Variants in PEAK1 observed in about 807,000 individuals in gnomAD.
PEAK1 encodes the protein inactive tyrosine-protein kinase PEAK1.
PEAK1 carries 54 observed loss-of-function variants against 124.7 expected under a neutral mutation model. The observed-to-expected ratio is 0.43, with a 90% CI of 0.35 to 0.54. The LOEUF (loss-of-function observed/expected upper bound fraction) is 0.54. Ranked by LOEUF, PEAK1 falls within the 20% of genes least tolerant of loss-of-function variation. PEAK1 has a pLI of 0.01. For synonymous variants in PEAK1, 719 were observed against 760.0 expected (o/e 0.95, Z 0.89); for missense variants, 2,046 against 2,134.5 (o/e 0.96, Z 0.82).
intron 6 of PEAK1, among the ~76,000 whole-genome samples, chr15:77,248,868 A>ATGGG (rs887123827): frequency 2.0e-5 from 3 of 152,158 alleles, no homozygotes; most frequent in African/African-American, 7.2e-5. Flanking sequence ...TCTGTCACCC[A>ATGGG]GGATGGAGTG....
At chr15:77,407,858 C>CA (rs1206639837) in intron 1 of PEAK1, among the ~76,000 whole-genome samples, 4 of 151,104 alleles carry the variant, frequency 2.6e-5, no homozygotes, top group African/African-American at 9.7e-5. Context: ...GGAGCCAGCT[C>CA]AAATGCCCGA....
intron 1 of PEAK1, among the ~76,000 whole-genome samples, chr15:77,386,835 G>A (rs997308930): frequency 6.6e-6 from 1 of 152,054 alleles, no homozygotes; most frequent in African/African-American, 2.4e-5. Flanking sequence ...CTCATGCCTC[G>A]TTAATACCTC....
intron 6 of PEAK1, among the ~76,000 whole-genome samples, chr15:77,233,225 G>A (rs191520243): frequency 2.0e-4 from 30 of 152,252 alleles, no homozygotes; most frequent in African/African-American, 7.0e-4. Flanking sequence ...TAAAAAGAGT[G>A]CCCTTCACTT....
At chr15:77,337,989 A>G in intron 2 of PEAK1, 1 of 984,476 alleles carries the variant, frequency 1.0e-6, no homozygotes, top group Non-Finnish European at 1.2e-6. Context: ...TCTGGAACCT[A>G]TAATAAATTA....
chr15:77,131,527 CAGCTCT>C (rs1490911542), intron 9 of PEAK1, among the ~76,000 whole-genome samples: 1 of 152,094 alleles, frequency 6.6e-6, no homozygotes. Context: ...ACAAAAAACT[CAGCTCT>C]ACCACTTGCT....
chr15:77,251,517 T>C (rs1444619998), intron 6 of PEAK1, among the ~76,000 whole-genome samples: 2 of 152,020 alleles, frequency 1.3e-5, no homozygotes, highest in Non-Finnish European at 2.9e-5. Context: ...GTAAGGAAAA[T>C]AAAACAAGAA....
At chr15:77,245,691 G>A (rs1157891203) in intron 6 of PEAK1, among the ~76,000 whole-genome samples, 2 of 151,844 alleles carry the variant, frequency 1.3e-5, no homozygotes, top group East Asian at 1.9e-4. Context: ...GAAACCGAGT[G>A]AGACTCCGTC....
chr15:77,149,186 C>G (rs2054392813), intron 8 of PEAK1, among the ~76,000 whole-genome samples: 4 of 152,204 alleles, frequency 2.6e-5, no homozygotes, highest in Admixed American at 2.6e-4. Flanking sequence ...TCCGTCAAAT[C>G]TATCTTTTTT....
intron 6 of PEAK1, 107 bp from the exon 7 acceptor site, chr15:77,182,147 A>C: frequency 9.4e-7 from 1 of 1,063,958 alleles, no homozygotes; most frequent in Non-Finnish European, 1.2e-6. Flanking sequence ...CTTTTCCTTA[A>C]ATTAAAAGAC....
At chr15:77,167,605 T>C (rs2056192662) in intron 7 of PEAK1, among the ~76,000 whole-genome samples, 1 of 152,238 alleles carries the variant, frequency 6.6e-6, no homozygotes, top group South Asian at 2.1e-4. Context: ...AGAGCAGCTA[T>C]TTTCAGCTTC....
intron 7 of PEAK1, 43 bp downstream of exon 7, chr15:77,178,747 T>A (rs746152091): frequency 6.4e-7 from 1 of 1,562,146 alleles, no homozygotes; most frequent in Non-Finnish European, 8.7e-7. Context: ...CACCTGAAAA[T>A]GTGTTAAAAA....
At chr15:77,192,886 AT>A (rs1228713567) in intron 6 of PEAK1, among the ~76,000 whole-genome samples, 2 of 152,228 alleles carry the variant, frequency 1.3e-5, no homozygotes, top group African/African-American at 4.8e-5. Flanking sequence ...GAAAATAAAA[AT>A]ATGCAAAAAG....
At chr15:77,404,521 T>A (rs2071641384) in intron 1 of PEAK1, 1 of 543,448 alleles carries the variant, frequency 1.8e-6, no homozygotes, top group African/African-American at 2.1e-5. Flanking sequence ...AAATATATCA[T>A]TAAAATTAAT....
At chr15:77,338,458 G>A (rs1162284206) in intron 2 of PEAK1, among the ~76,000 whole-genome samples, 1 of 151,964 alleles carries the variant, frequency 6.6e-6, no homozygotes, top group Non-Finnish European at 1.5e-5. Context: ...AAGAGCCCCA[G>A]AAAGAAATCT....
chr15:77,270,696 T>G (rs1451292229), intron 5 of PEAK1, among the ~76,000 whole-genome samples: 3 of 152,154 alleles, frequency 2.0e-5, no homozygotes, highest in African/African-American at 7.2e-5. Flanking sequence ...AGTAGTTTTT[T>G]CCAATTCTGT....
At chr15:77,102,687 A>G (rs1207728842) in exon 7 of PEAK1, 1 of 152,148 alleles carries the variant, frequency 6.6e-6, no homozygotes, top group African/African-American at 2.4e-5. Flanking sequence ...TATTACATAT[A>G]CTAGTTTCAT....
chr15:77,279,120 T>C (rs2062521415), intron 5 of PEAK1, among the ~76,000 whole-genome samples: 1 of 151,932 alleles, frequency 6.6e-6, no homozygotes, highest in East Asian at 1.9e-4. Context: ...TGTGTGTGTG[T>C]GTGTGTGTGT....
intron 1 of PEAK1, among the ~76,000 whole-genome samples, chr15:77,390,019 T>C (rs1476463146): frequency 1.3e-5 from 2 of 152,248 alleles, no homozygotes; most frequent in Non-Finnish European, 2.9e-5. Context: ...TTTGTATTCA[T>C]CATTAACCCT....
intron 2 of PEAK1, among the ~76,000 whole-genome samples, chr15:77,294,647 A>G (rs1310260577): frequency 6.6e-6 from 1 of 152,220 alleles, no homozygotes; most frequent in Non-Finnish European, 1.5e-5. Flanking sequence ...CAGCCCTTCC[A>G]GGTCCTGAAA....
Sources: allele counts gnomAD v4.1 joint callset (sites outside exome capture counted in the v4.1 genomes callset), GRCh38; gene constraint gnomAD v4.1.1; transcripts MANE v1.5; gene names NCBI Gene and HGNC (gene_info 2026-07-23, HGNC 2026-07-21).